Variants in ANKRD55 observed in about 807,000 individuals in gnomAD.
The protein encoded by ANKRD55 is ankyrin repeat domain-containing protein 55.
A neutral mutation model predicts 60.6 loss-of-function variants in ANKRD55; 41 were observed. That is an observed-to-expected ratio of 0.68 (90% confidence interval 0.53 to 0.88). ANKRD55 has a LOEUF of 0.88. Ranked by LOEUF, ANKRD55 falls within the 40% of genes least tolerant of loss-of-function variation. The pLI, the probability that ANKRD55 is intolerant of heterozygous loss-of-function variation, is 0.00. For missense variants in ANKRD55, 732 were observed against 767.6 expected, an observed-to-expected ratio of 0.95 and a Z score of 0.55; for synonymous variants, 264 against 290.3, an observed-to-expected ratio of 0.91 and a Z score of 0.92.
At chr5:56,144,505 G>C (rs1757849310) in intron 6 of ANKRD55, among the ~76,000 whole-genome samples, 1 of 152,084 alleles carries the variant, frequency 6.6e-6, no homozygotes, top group Non-Finnish European at 1.5e-5. Context: ...GAATGAATGA[G>C]GTAGGAGGGG....
chr5:56,146,434 G>A (rs545760516), intron 6 of ANKRD55, among the ~76,000 whole-genome samples: 11 of 151,946 alleles, frequency 7.2e-5, no homozygotes, highest in Middle Eastern at 3.4e-3. Context: ...ACAGGTGCCC[G>A]CCACCACGCC....
chr5:56,155,561 A>C (rs1296439592), intron 6 of ANKRD55, among the ~76,000 whole-genome samples: 2 of 152,204 alleles, frequency 1.3e-5, no homozygotes, highest in African/African-American at 4.8e-5. Flanking sequence ...CAGTTTGGTA[A>C]CTTGGAATTT....
Position 56,106,420 on chromosome 5 carries a change from CTT to C in ANKRD55, c.1631-3836_1631-3835del, listed in dbSNP as rs71602938. Among the ~76,000 whole-genome samples the C allele has an allele frequency of 9.7e-3, 934 of 96,754 alleles. 4 individuals are homozygous for C. Among genetic ancestry groups the C allele is most frequent in the African/African-American group, 0.029 (499 of 17,058 alleles). The allele number at this position is 96,754 out of a possible 152,430, so 63.5% of individuals were successfully genotyped here. A position where few individuals can be genotyped will look rare whatever the true frequency, so the allele number is the denominator to read the frequency against. On this transcript the variant is annotated intron_variant, in intron 10 of 11. Transcript: ENST00000341048. ...AATAAAATCCGTAAGGCTAGGAAAG[CTT>C]TTTTTTTTTTTTTTTTTTTTTGAGA...
chr5:56,107,830 G>A (rs2111665278), intron 10 of ANKRD55, among the ~76,000 whole-genome samples: 1 of 152,132 alleles, frequency 6.6e-6, no homozygotes, highest in Admixed American at 6.5e-5. Context: ...CAAATGTCTG[G>A]GAACTGCCTA....
Position 56,133,790 on chromosome 5 carries a change from T to G in ANKRD55, c.613-6684A>C, listed in dbSNP as rs1159176412. ...AGATAACATCAAAATTTGTGGGATGTAGCAAAAACAATTTCTCAGAAGAAA... is the reference window on the plus strand; with the variant it reads ...AGATAACATCAAAATTTGTGGGATGGAGCAAAAACAATTTCTCAGAAGAAA... On this transcript the variant is annotated intron_variant, in intron 7 of 11. Coordinates refer to ENST00000341048, the MANE Select transcript of ANKRD55 (RefSeq NM_024669.3). 4.4e-5 allele frequency among the ~76,000 whole-genome samples: 5 copies of G among 114,848 alleles called. 1 individual carries two copies. The East Asian group carries it at 1.2e-3, about 28-fold the overall frequency. The allele number at this position is 114,848 out of a possible 152,430, so 75.3% of individuals were successfully genotyped here.
chr5:56,207,323 C>G (rs1759536179), intron 2 of ANKRD55, among the ~76,000 whole-genome samples: 1 of 152,172 alleles, frequency 6.6e-6, no homozygotes, highest in Non-Finnish European at 1.5e-5. Flanking sequence ...GATCTGAGGG[C>G]ATAGAAAGAT....
intron 2 of ANKRD55, among the ~76,000 whole-genome samples, chr5:56,220,766 C>A (rs1418264079): frequency 6.6e-6 from 1 of 152,032 alleles, no homozygotes; most frequent in African/African-American, 2.4e-5. Flanking sequence ...TGAGCCAAGA[C>A]CATGCCATTG....
intron 2 of ANKRD55, chr5:56,192,709 T>C: frequency 1.5e-6 from 2 of 1,375,718 alleles, no homozygotes; most frequent in African/African-American, 1.4e-5. Flanking sequence ...CAGATGATAA[T>C]GGACAGAATC....
intron 2 of ANKRD55, among the ~76,000 whole-genome samples, chr5:56,203,040 C>T (rs1256486063): frequency 6.6e-6 from 1 of 152,142 alleles, no homozygotes; most frequent in Non-Finnish European, 1.5e-5. Flanking sequence ...GCAATATACA[C>T]ATTTACTGAT....
chr5:56,219,043 C>A (rs4455515), intron 2 of ANKRD55, among the ~76,000 whole-genome samples: 1 of 151,852 alleles, frequency 6.6e-6, no homozygotes, highest in African/African-American at 2.4e-5. Context: ...GAGGCCGAGG[C>A]GGGCGGATCA....
intron 10 of ANKRD55, among the ~76,000 whole-genome samples, chr5:56,107,746 G>A (rs1756527803): frequency 6.6e-6 from 1 of 152,136 alleles, no homozygotes; most frequent in Admixed American, 6.6e-5. Flanking sequence ...AGCCCCTCGA[G>A]GAGAGAAGCC....
chr5:56,111,475 C>A lies in ANKRD55; in HGVS notation c.1273G>T (p.Ala425Ser). Residue 425 changes from alanine (A) to serine (S), a missense_variant, in exon 10 of 12, where the codon GCC becomes TCC. Physicochemically the swap from Ala to Ser is moderately conservative, Grantham distance 99. This residue lies in a region of ANKRD55 where 597 missense variants were observed against 607.5 expected (regional missense o/e 0.98). Coordinates refer to ENST00000341048, the MANE Select transcript of ANKRD55 (RefSeq NM_024669.3). ...KYLLPEKKPLARKGLPPIRTQ... is the reference protein window; with the variant it reads ...KYLLPEKKPLSRKGLPPIRTQ... ...CTGATTGGTGGAAGCCCCTTACGGG[C>A]CAGCGGTTTCTTTTCTGGTAAGAGA... 1.2e-6 allele frequency: 2 copies of A among 1,614,130 alleles called. No homozygotes were observed. The highest frequency in any genetic ancestry group is 1.1e-5 in the South Asian group (1 of 91,084).
chr5:56,153,319 G>A (rs1758101815), intron 6 of ANKRD55, among the ~76,000 whole-genome samples: 1 of 152,104 alleles, frequency 6.6e-6, no homozygotes, highest in Non-Finnish European at 1.5e-5. Context: ...GGAATAATTA[G>A]GCAGTGTGTA....
chr5:56,149,274 G>A (rs896103180), intron 6 of ANKRD55, among the ~76,000 whole-genome samples: 1 of 152,098 alleles, frequency 6.6e-6, no homozygotes, highest in African/African-American at 2.4e-5. Flanking sequence ...AATACTCTGA[G>A]GTTGGATTTT....
chr5:56,186,368 A>G (rs553805730), intron 2 of ANKRD55, among the ~76,000 whole-genome samples: 2 of 152,230 alleles, frequency 1.3e-5, no homozygotes, highest in East Asian at 3.9e-4. Context: ...GGGTTTTGCC[A>G]TGTTGCCCAG....
intron 3 of ANKRD55, among the ~76,000 whole-genome samples, chr5:56,176,914 C>T (rs1438940004): frequency 6.6e-6 from 1 of 152,194 alleles, no homozygotes; most frequent in African/African-American, 2.4e-5. Context: ...CCAGGTGCTT[C>T]TTATTCCTTC....
chr5:56,164,912 C>T (rs1182890390), intron 5 of ANKRD55, among the ~76,000 whole-genome samples: 1 of 152,194 alleles, frequency 6.6e-6, no homozygotes, highest in Admixed American at 6.5e-5. Context: ...CCTCCATCCC[C>T]ATTGAGCGGG....
In ANKRD55 at chr5:56,176,636, C is replaced by T. The variant is rs1477601210; in HGVS notation, c.182-354G>A. On this transcript the variant is annotated intron_variant, in intron 3 of 11. Coordinates refer to ENST00000341048, the MANE Select transcript of ANKRD55 (RefSeq NM_024669.3). The stretch of plus-strand genomic sequence containing the variant: ...GAATCTAGGAGTGCCTTTGGAAAGC[C>T]GCTCTATCTAGGCAGATGGGTTCAG... Among the ~76,000 whole-genome samples, 8 of 152,168 alleles carry T rather than the reference C, an allele frequency of 5.3e-5. No homozygotes were observed. The East Asian group carries it at 7.7e-4, about 15-fold the overall frequency.
intron 10 of ANKRD55, among the ~76,000 whole-genome samples, chr5:56,108,782 T>A (rs896189555): frequency 1.4e-4 from 21 of 152,336 alleles, no homozygotes; most frequent in African/African-American, 4.8e-4. Context: ...CTCACGCCTG[T>A]AATCCCAGCA....
Sources: gnomAD v4.1 joint callset for allele counts (sites outside exome capture counted in the v4.1 genomes callset) on GRCh38, gnomAD v4.1.1 for gene constraint, gnomAD v4.1.1 regional missense constraint, MANE v1.5 for transcripts, NCBI Gene and HGNC (gene_info 2026-07-23, HGNC 2026-07-21) for gene names.